The following WASF2 variants were observed in gnomAD, a reference collection of about 807,000 sequenced individuals.
WASF2 encodes the protein WASP family member 2.
WASF2 carries 14 observed loss-of-function variants against 45.0 expected under a neutral mutation model. The ratio of observed to expected loss-of-function variants is 0.31; its 90% CI spans 0.21 to 0.49. The LOEUF is 0.49. Ranked by LOEUF, WASF2 falls within the 20% of genes least tolerant of loss-of-function variation. The pLI is 0.99. For missense variants in WASF2, 439 were observed against 636.1 expected (o/e 0.69, Z 3.33); for synonymous variants, 200 against 236.3 (o/e 0.85, Z 1.41).
intron 1 of WASF2, among the ~76,000 whole-genome samples, chr1:27,451,767 C>T (rs1169997573): frequency 6.6e-6 from 1 of 152,134 alleles, no homozygotes; most frequent in Non-Finnish European, 1.5e-5. Flanking sequence ...ACACTTTCTT[C>T]CTTGAACAAT....
intron 2 of WASF2, among the ~76,000 whole-genome samples, chr1:27,422,059 C>T (rs1406045874): frequency 6.6e-6 from 1 of 150,990 alleles, no homozygotes; most frequent in East Asian, 1.9e-4. Flanking sequence ...AAACAATCAA[C>T]TTACACCAAG....
intron 1 of WASF2, among the ~76,000 whole-genome samples, chr1:27,481,283 G>C (rs532425558): frequency 6.6e-6 from 1 of 151,978 alleles, no homozygotes. Context: ...CAGCCTGGGC[G>C]ACAGAGGGAG....
chr1:27,452,285 C>A (rs2474307), intron 1 of WASF2, among the ~76,000 whole-genome samples: 124,771 of 152,134 alleles, frequency 0.82, 52,236 homozygotes, highest in Admixed American at 0.91. Context: ...GAGACCAAGG[C>A]GGGTGGATCA....
intron 1 of WASF2, among the ~76,000 whole-genome samples, chr1:27,448,841 CAA>C (rs11371995): frequency 2.8e-4 from 19 of 67,000 alleles, no homozygotes; most frequent in Non-Finnish European, 2.6e-4. Flanking sequence ...GACCTCATCT[CAA>C]AAAAAAAAAA....
At chr1:27,439,247 A>G (rs1405646346) in intron 1 of WASF2, among the ~76,000 whole-genome samples, 1 of 152,216 alleles carries the variant, frequency 6.6e-6, no homozygotes, top group African/African-American at 2.4e-5. Flanking sequence ...AAAATGAAAT[A>G]ATGCATGTAT....
chr1:27,447,247 T>C (rs922423317), intron 1 of WASF2, among the ~76,000 whole-genome samples: 2 of 152,200 alleles, frequency 1.3e-5, no homozygotes, highest in Admixed American at 6.5e-5. Context: ...AAGAGCGGCA[T>C]GAATAGATAA....
chr1:27,469,634 A>T (rs768354411), intron 1 of WASF2, among the ~76,000 whole-genome samples: 4 of 152,188 alleles, frequency 2.6e-5, no homozygotes, highest in Non-Finnish European at 5.9e-5. Context: ...ACCTAAACAT[A>T]AAACAAGGTA....
At chr1:27,408,843 A>T (rs564384375) in intron 8 of WASF2, among the ~76,000 whole-genome samples, 28 of 151,914 alleles carry the variant, frequency 1.8e-4, no homozygotes, top group Middle Eastern at 3.4e-3. Flanking sequence ...GAGGGGAGGG[A>T]AGAGGAGAAA....
intron 1 of WASF2, among the ~76,000 whole-genome samples, chr1:27,466,497 T>C (rs776510556): frequency 6.6e-6 from 1 of 152,196 alleles, no homozygotes; most frequent in Non-Finnish European, 1.5e-5. Context: ...CATGCAGCTA[T>C]GGAGCACCAA....
At chr1:27,421,531 T>A (rs2016908288) in intron 2 of WASF2, among the ~76,000 whole-genome samples, 1 of 151,160 alleles carries the variant, frequency 6.6e-6, no homozygotes, top group Non-Finnish European at 1.5e-5. Context: ...TACAAAAAAA[T>A]TAGGCCAGGC....
chr1:27,415,931 C>A (rs564109191), intron 5 of WASF2, 54 bp downstream of exon 5: 1 of 1,439,126 alleles, frequency 6.9e-7, no homozygotes, highest in South Asian at 1.2e-5. Flanking sequence ...CCTTTTTATC[C>A]CCCTCCACAA....
At chr1:27,474,203 G>C (rs1340683432) in intron 1 of WASF2, among the ~76,000 whole-genome samples, 2 of 152,128 alleles carry the variant, frequency 1.3e-5, no homozygotes, top group Non-Finnish European at 2.9e-5. Context: ...CTAGGAGATA[G>C]ATACATAGGA....
intron 1 of WASF2, among the ~76,000 whole-genome samples, chr1:27,450,499 ACT>A: frequency 6.7e-6 from 1 of 149,302 alleles, no homozygotes. Context: ...CCTCTCCCAG[ACT>A]CTTTTTTGTT....
Position 27,414,234 on chromosome 1 carries a change from G to C in WASF2, c.668+599C>G, listed in dbSNP as rs564202252. Among the ~76,000 whole-genome samples the C allele has an allele frequency of 6.6e-6, 1 of 152,144 alleles. No individual in the cohort carries two copies. The highest frequency in any genetic ancestry group is 2.1e-4 in the South Asian group (1 of 4,830). ...ATCTTTTTCCCCCTTTAAACCTCCA[G>C]TGTGATTTGGTATTGGGAAATGGGG... On this transcript the variant is annotated intron_variant, in intron 6 of 8. Coordinates refer to ENST00000618852, the MANE Select transcript of WASF2 (RefSeq NM_006990.5). The surrounding 1 kb of genome is among the most constrained non-coding windows in gnomAD (Gnocchi z 4.1).
At chr1:27,479,731 G>A (rs538100642) in intron 1 of WASF2, among the ~76,000 whole-genome samples, 11 of 152,254 alleles carry the variant, frequency 7.2e-5, no homozygotes, top group African/African-American at 2.6e-4. Context: ...TGGGTGTGGT[G>A]GCACATGCCT....
intron 1 of WASF2, among the ~76,000 whole-genome samples, chr1:27,457,507 G>A (rs956968088): frequency 6.6e-6 from 1 of 152,144 alleles, no homozygotes; most frequent in African/African-American, 2.4e-5. Flanking sequence ...GGCCCAGGAG[G>A]TGGATTAGTA....
chr1:27,426,725 G>A (rs59900562), intron 2 of WASF2, among the ~76,000 whole-genome samples: 4,852 of 151,814 alleles, frequency 0.032, 254 homozygotes, highest in African/African-American at 0.11. Context: ...GGCCAGGCTG[G>A]TCTAGAACTC....
rs1411793922 is a variant in WASF2, at chr1:27,409,812, A to G, written c.1219T>C (p.Phe407Leu). 1 of 1,564,498 alleles carries G rather than the reference A, an allele frequency of 6.4e-7. No individual in the cohort carries two copies. Among genetic ancestry groups the G allele is most frequent in the Non-Finnish European group, 8.7e-7 (1 of 1,155,162 alleles). ...PPPPGPPPPP[F>L]TGADGQPAIP... ...GCAGGCTGGCCATCTGCACCAGTGA[A>G]AGGGGGAGGAGGGGGCCCCGGAGGA... Residue 407 changes from phenylalanine (F) to leucine (L), a missense_variant, in exon 8 of 9, where the codon TTC (phenylalanine) becomes CTC (leucine). Physicochemically the swap from Phe to Leu is conservative, Grantham distance 22. Transcript: ENST00000618852.
At position 27,419,000 on chromosome 1, in the gene WASF2, G is replaced by T; in HGVS notation, c.219C>A (p.Asp73Glu). The T allele has an allele frequency of 1.2e-6, 2 of 1,613,996 alleles. No individual in the cohort carries two copies. Among genetic ancestry groups the T allele is most frequent in the Non-Finnish European group, 1.7e-6 (2 of 1,179,982 alleles). ...GCTGAGTGACTTTAACCTGTAGTCG[G>T]TCGACCCTCTCAGCAAGGGAGCTTA... Reference protein sequence around the residue: ...SRVSSLAERVDRLQVKVTQLD... With the variant: ...SRVSSLAERVERLQVKVTQLD... Residue 73 changes from aspartate (D) to glutamate (E), a missense_variant, in exon 3 of 9, where the codon GAC becomes GAA. This residue lies in a region of WASF2 where 98 missense variants were observed against 120.7 expected (regional missense o/e 0.81). Coordinates refer to ENST00000618852, the MANE Select transcript of WASF2 (RefSeq NM_006990.5).
Sources: gnomAD v4.1 joint callset for allele counts (sites outside exome capture counted in the v4.1 genomes callset) on GRCh38, gnomAD v4.1.1 for gene constraint, gnomAD v4.1.1 regional missense constraint, Gnocchi (gnomAD v3.1) non-coding constraint, MANE v1.5 for transcripts, NCBI Gene and HGNC (gene_info 2026-07-23, HGNC 2026-07-21) for gene names.